Variants in CYB5R3 observed in about 807,000 individuals in gnomAD.
CYB5R3 encodes cytochrome b5 reductase 3.
In CYB5R3, 28 loss-of-function variants were observed where a neutral mutation model predicts 36.5. The ratio of observed to expected loss-of-function variants is 0.77; its 90% CI spans 0.57 to 1.05. The LOEUF is 1.05. Among genes scored for constraint, CYB5R3 ranks in the 50% least tolerant of loss-of-function variants. The pLI is 0.00. For synonymous variants in CYB5R3, 181 were observed against 159.8 expected, an observed-to-expected ratio of 1.13 and a Z score of -1.00; for missense variants, 474 against 408.9, an observed-to-expected ratio of 1.16 and a Z score of -1.37.
intron 7 of CYB5R3, 127 bp downstream of exon 7, chr22:42,627,177 G>T: frequency 1.2e-6 from 1 of 823,312 alleles, no homozygotes. Flanking sequence ...AACATTCAGG[G>T]CCCCCCATCC....
rs1927770819 is a variant in CYB5R3, at chr22:42,618,686, T to G, written c.*1087A>C. ...TGAGATCATGCCACTCCAGCCTGGGTGACAAAGGGAGACTCCGTCTCAAAA... is the reference window on the plus strand; with the variant it reads ...TGAGATCATGCCACTCCAGCCTGGGGGACAAAGGGAGACTCCGTCTCAAAA... On this transcript the variant is annotated 3_prime_UTR_variant, in exon 9 of 9. Transcript: ENST00000352397. 7.8e-6 allele frequency: 1 copy of G among 128,278 alleles called. No individual in the cohort carries two copies. The allele number at this position is 128,278 out of a possible 1,614,324, so 7.9% of individuals were successfully genotyped here. A position where few individuals can be genotyped will look rare whatever the true frequency, so the allele number is the denominator to read the frequency against.
chr22:42,628,982 G>T (rs1928462539), intron 4 of CYB5R3, among the ~76,000 whole-genome samples: 1 of 152,172 alleles, frequency 6.6e-6, no homozygotes, highest in South Asian at 2.1e-4. Flanking sequence ...GGACAGGCAG[G>T]CAGAGCACAC....
At chr22:42,622,801 G>C (rs1416249050) in intron 8 of CYB5R3, among the ~76,000 whole-genome samples, 4 of 152,250 alleles carry the variant, frequency 2.6e-5, no homozygotes, top group African/African-American at 9.6e-5. Flanking sequence ...TAGTCCTGAG[G>C]AAACTGTGGG....
intron 4 of CYB5R3, 102 bp from the exon 5 acceptor site, chr22:42,628,383 G>C: frequency 6.8e-7 from 1 of 1,467,344 alleles, no homozygotes; most frequent in Non-Finnish European, 9.5e-7. Flanking sequence ...CTTCTTCTGA[G>C]GCCCACACAT....
At chr22:42,621,359 G>C (rs895449063) in intron 8 of CYB5R3, among the ~76,000 whole-genome samples, 3 of 152,188 alleles carry the variant, frequency 2.0e-5, no homozygotes, top group Non-Finnish European at 4.4e-5. Context: ...TGGGACTACA[G>C]GTGCATGCCA....
At chr22:42,625,209 T>C (rs1013092182) in intron 7 of CYB5R3, among the ~76,000 whole-genome samples, 3 of 152,190 alleles carry the variant, frequency 2.0e-5, no homozygotes, top group Non-Finnish European at 4.4e-5. Flanking sequence ...ATTAACTATG[T>C]GTAACTTTCT....
At chr22:42,633,403 G>A (rs1165408846) in intron 2 of CYB5R3, 2 of 152,346 alleles carry the variant, frequency 1.3e-5, no homozygotes, top group Non-Finnish European at 2.9e-5. Flanking sequence ...ACGGGGCCCT[G>A]GGATGCGGCA....
intron 1 of CYB5R3, chr22:42,646,615 A>C: frequency 2.0e-6 from 2 of 981,720 alleles, no homozygotes; most frequent in Non-Finnish European, 2.4e-6. Flanking sequence ...TGGAGCTTAG[A>C]CAAGCCAGTC....
At chr22:42,622,016 C>T (rs900470813) in intron 8 of CYB5R3, among the ~76,000 whole-genome samples, 35 of 152,224 alleles carry the variant, frequency 2.3e-4, no homozygotes, top group Non-Finnish European at 3.8e-4. Flanking sequence ...CTCTGCCTCC[C>T]GGGTTCAAGC....
Position 42,619,163 on chromosome 22 carries a change from G to C in CYB5R3, c.*610C>G, listed in dbSNP as rs983050638. ...TGGATGGGCTGGAAGGAAATGCTGAGGTTCTGGGAGGGCCCCATGGCCAGC... is the reference window on the plus strand; with the variant it reads ...TGGATGGGCTGGAAGGAAATGCTGACGTTCTGGGAGGGCCCCATGGCCAGC... On this transcript the variant is annotated 3_prime_UTR_variant, in exon 9 of 9. Transcript: ENST00000352397. 3.9e-5 allele frequency: 6 copies of C among 153,282 alleles called. No homozygotes were observed. Among genetic ancestry groups the C allele is most frequent in the African/African-American group, 1.4e-4 (6 of 41,484 alleles). 9.5% of individuals were successfully genotyped at this position (153,282 alleles called of 1,614,324 possible).
intron 8 of CYB5R3, among the ~76,000 whole-genome samples, chr22:42,622,814 C>T (rs957507100): frequency 3.3e-5 from 5 of 152,312 alleles, no homozygotes; most frequent in South Asian, 2.1e-4. Flanking sequence ...ACTGTGGGGC[C>T]GTAGGAGGTG....
At chr22:42,631,686 G>A in intron 2 of CYB5R3, 1 of 585,796 alleles carries the variant, frequency 1.7e-6, no homozygotes, top group East Asian at 2.8e-5. Flanking sequence ...TGGCCTAGAG[G>A]GGCCACAAAC....
chr22:42,639,973 T>C, intron 1 of CYB5R3: 1 of 1,610,958 alleles, frequency 6.2e-7, no homozygotes, highest in Non-Finnish European at 8.5e-7. Context: ...TCAAACATTC[T>C]AGCCAATGAT....
chr22:42,637,343 C>T (rs1928952826), intron 1 of CYB5R3, among the ~76,000 whole-genome samples: 2 of 152,208 alleles, frequency 1.3e-5, no homozygotes, highest in Non-Finnish European at 2.9e-5. Context: ...CCTACACTGA[C>T]CAAATGGCTC....
chr22:42,627,163 A>T lies in CYB5R3; in HGVS notation c.633+141T>A, dbSNP rs1292560460. On this transcript the variant is annotated intron_variant, in intron 7 of 8. Transcript: ENST00000352397. ...GTGCTGCTGCCAAGGCCGCCAGTGC[A>T]CAGAACATTCAGGGCCCCCCATCCC... is the stretch of plus-strand genomic sequence containing the variant. The T allele has an allele frequency of 2.6e-6, 2 of 767,258 alleles. 1 individual carries two copies. The allele number at this position is 767,258 out of a possible 1,614,324, so 47.5% of individuals were successfully genotyped here.
chr22:42,626,711 CA>C lies in CYB5R3; in HGVS notation c.633+592del, dbSNP rs543523286. On this transcript the variant is annotated intron_variant, in intron 7 of 8. Coordinates refer to ENST00000352397, the MANE Select transcript of CYB5R3 (RefSeq NM_000398.7). ...TCCCCCAAATCTACGTCATCAGTCA[CA>C]AAACACTAACCTGAAAAGACCTTGC... 3.2e-4 allele frequency among the ~76,000 whole-genome samples: 48 copies of C among 152,310 alleles called. 1 individual carries two copies. In the South Asian group the frequency reaches 1.0e-2, roughly 32 times the overall value.
chr22:42,620,325 C>T (rs1927897348), intron 8 of CYB5R3, among the ~76,000 whole-genome samples: 1 of 152,246 alleles, frequency 6.6e-6, no homozygotes, highest in Non-Finnish European at 1.5e-5. Context: ...CAAGATCACA[C>T]AATGAGGCAG....
rs868841157 is a variant in CYB5R3, at chr22:42,634,636, G to A, written c.153+2079C>T. ...TAATTTTCATATTGATTGATTGATTGATTGATTGAGACAGCGTCTTGCTCT... is the reference window on the plus strand; with the variant it reads ...TAATTTTCATATTGATTGATTGATTAATTGATTGAGACAGCGTCTTGCTCT... On this transcript the variant is annotated intron_variant, in intron 2 of 8. Transcript: ENST00000352397. Among the ~76,000 whole-genome samples the A allele has an allele frequency of 2.7e-5, 4 of 147,526 alleles. No homozygotes were observed. The Middle Eastern group carries it at 0.011, about 416-fold the overall frequency.
intron 4 of CYB5R3, among the ~76,000 whole-genome samples, chr22:42,629,864 C>T (rs1480190633): frequency 6.6e-6 from 1 of 152,146 alleles, no homozygotes; most frequent in East Asian, 1.9e-4. Flanking sequence ...GTAGCATGAT[C>T]TTGGCTTACT....
Sources: allele counts gnomAD v4.1 joint callset (sites outside exome capture counted in the v4.1 genomes callset), GRCh38; gene constraint gnomAD v4.1.1; transcripts MANE v1.5; gene names NCBI Gene and HGNC (gene_info 2026-07-23, HGNC 2026-07-21).